ACER2: variants seen among roughly 807,000 people sequenced by gnomAD.
ACER2 encodes alkaline ceramidase 2, also known as alkCDase 2.
Under a neutral mutation model 34.7 loss-of-function variants are expected in ACER2, and 26 were observed. That is an observed-to-expected ratio of 0.75 (90% CI 0.55 to 1.04). The LOEUF (loss-of-function observed/expected upper bound fraction) is 1.04, where lower values mean the gene tolerates loss of function less well. Among genes scored for constraint, ACER2 ranks in the 50% least tolerant of loss-of-function variants. ACER2 has a pLI of 0.00. For synonymous variants in ACER2, 138 were observed against 132.1 expected, an observed-to-expected ratio of 1.04 and a Z score of -0.31; for missense variants, 352 against 340.8, an observed-to-expected ratio of 1.03 and a Z score of -0.26.
intron 3 of ACER2, among the ~76,000 whole-genome samples, chr9:19,426,346 TTCTCCCTCTCTTTC>T (rs1330551005): frequency 1.4e-5 from 2 of 141,116 alleles, no homozygotes; most frequent in African/African-American, 2.7e-5. Context: ...GTCTTTGTCT[TTCTCCCTCTCTTTC>T]TCTCTCTCTC....
chr9:19,421,361 A>G (rs1830402240), intron 1 of ACER2, among the ~76,000 whole-genome samples: 1 of 152,240 alleles, frequency 6.6e-6, no homozygotes, highest in African/African-American at 2.4e-5. Flanking sequence ...GTATGAATAG[A>G]CAAAATAAAT....
chr9:19,443,093 C>G lies in ACER2; in HGVS notation c.504-3188C>G, dbSNP rs796083302. Among the ~76,000 whole-genome samples, 340 of 152,262 alleles carry G rather than the reference C, an allele frequency of 2.2e-3. 3 individuals are homozygous for G. Among genetic ancestry groups the G allele is most frequent in the African/African-American group, 7.8e-3 (324 of 41,540 alleles). On this transcript the variant is annotated intron_variant, in intron 4 of 5. Coordinates refer to ENST00000340967, the MANE Select transcript of ACER2 (RefSeq NM_001010887.3). Reference sequence around the variant, plus strand: ...TCGCCCAGGCTGGAGTGCAGTGGCGCGATCTCGGCTCACTGCAAGCTCCGC... The same window carrying G: ...TCGCCCAGGCTGGAGTGCAGTGGCGGGATCTCGGCTCACTGCAAGCTCCGC...
intron 3 of ACER2, 80 bp downstream of exon 3, chr9:19,424,921 C>T: frequency 5.8e-6 from 9 of 1,546,488 alleles, no homozygotes; most frequent in Middle Eastern, 1.7e-4. Flanking sequence ...AGAAAAATAG[C>T]ACATGATTGA....
intron 1 of ACER2, among the ~76,000 whole-genome samples, chr9:19,422,930 G>C (rs1017107290): frequency 1.3e-5 from 2 of 151,708 alleles, no homozygotes; most frequent in Non-Finnish European, 2.9e-5. Context: ...TACTCGGGAG[G>C]CTGAGGCAGG....
In ACER2 at chr9:19,443,562, G is replaced by A. The variant is rs140464591; in HGVS notation, c.504-2719G>A. ...ATAATTTTATCCATTAATTCAGGAAGCATTTAACAGTGCCTGGCACAGTTG... is the reference window on the plus strand; with the variant it reads ...ATAATTTTATCCATTAATTCAGGAAACATTTAACAGTGCCTGGCACAGTTG... On this transcript the variant is annotated intron_variant, in intron 4 of 5. Coordinates refer to ENST00000340967, the MANE Select transcript of ACER2 (RefSeq NM_001010887.3). Among the ~76,000 whole-genome samples the A allele has an allele frequency of 3.9e-5, 6 of 152,360 alleles. No homozygotes were observed. The East Asian group carries it at 5.8e-4, about 15-fold the overall frequency.
intron 1 of ACER2, among the ~76,000 whole-genome samples, chr9:19,415,135 T>A (rs1474746468): frequency 1.3e-5 from 2 of 152,168 alleles, no homozygotes; most frequent in African/African-American, 4.8e-5. Flanking sequence ...GTAATTTCAG[T>A]ATTATTTGAA....
chr9:19,434,061 C>A (rs1405971277), intron 3 of ACER2, among the ~76,000 whole-genome samples: 1 of 142,856 alleles, frequency 7.0e-6, no homozygotes, highest in Non-Finnish European at 1.5e-5. Flanking sequence ...TCAGACGGGG[C>A]GGCCGGGCAG....
At chr9:19,411,168 CT>C (rs1053623877) in intron 1 of ACER2, among the ~76,000 whole-genome samples, 1 of 152,122 alleles carries the variant, frequency 6.6e-6, no homozygotes, top group Non-Finnish European at 1.5e-5. Context: ...GTGCTAAAGT[CT>C]TTTTCAGAAA....
At chr9:19,439,344 C>CTT (rs55690063) in intron 4 of ACER2, among the ~76,000 whole-genome samples, 44 of 138,712 alleles carry the variant, frequency 3.2e-4, no homozygotes, top group South Asian at 4.9e-4. Flanking sequence ...AAGGGGCTTG[C>CTT]TTTTTTTTTT....
At chr9:19,428,151 T>A (rs1830639484) in intron 3 of ACER2, among the ~76,000 whole-genome samples, 1 of 151,356 alleles carries the variant, frequency 6.6e-6, no homozygotes, top group East Asian at 1.9e-4. Flanking sequence ...TGCTGGAATA[T>A]TCTTTTTTGT....
chr9:19,429,672 T>C (rs1401433935), intron 3 of ACER2, among the ~76,000 whole-genome samples: 2 of 152,260 alleles, frequency 1.3e-5, no homozygotes, highest in Non-Finnish European at 2.9e-5. Context: ...CTATAGTTTT[T>C]ATGATTTTAT....
intron 4 of ACER2, among the ~76,000 whole-genome samples, chr9:19,442,117 A>G (rs2132521963): frequency 6.6e-6 from 1 of 152,354 alleles, no homozygotes; most frequent in Admixed American, 6.5e-5. Flanking sequence ...ATTTTGGGTC[A>G]TGACCTGACA....
At chr9:19,428,777 T>TTG (rs1830660949) in intron 3 of ACER2, among the ~76,000 whole-genome samples, 1 of 51,536 alleles carries the variant, frequency 1.9e-5, no homozygotes, top group Non-Finnish European at 3.4e-5. Flanking sequence ...GACAAGTGGG[T>TTG]TTTTTTTTTT....
intron 1 of ACER2, among the ~76,000 whole-genome samples, chr9:19,412,656 C>CA (rs59209941): frequency 0.081 from 7,420 of 91,468 alleles, 459 homozygotes; most frequent in African/African-American, 0.19. Flanking sequence ...GATTCTGTCT[C>CA]AAAAAAAAAA....
At chr9:19,432,565 G>T (rs1025544157) in intron 3 of ACER2, among the ~76,000 whole-genome samples, 4 of 138,976 alleles carry the variant, frequency 2.9e-5, no homozygotes, top group African/African-American at 1.1e-4. Context: ...TGTGTGTGTG[G>T]GTGTATGTGT....
At position 19,424,711 on chromosome 9, in the gene ACER2, G is replaced by T. The variant is rs770384271; in HGVS notation, c.235G>T (p.Val79Phe). 7 of 1,613,660 alleles carry T rather than the reference G, an allele frequency of 4.3e-6. No homozygotes were observed. Among genetic ancestry groups the T allele is most frequent in the Non-Finnish European group, 3.4e-6 (4 of 1,179,986 alleles). Reference protein sequence around the residue: ...TLLVVVGIGSVYFHATLSFLG... With the variant: ...TLLVVVGIGSFYFHATLSFLG... ...GTAATTGATTCTAGGAATTGGATCCGTCTACTTCCATGCAACCCTTAGTTT... is the reference window on the plus strand; with the variant it reads ...GTAATTGATTCTAGGAATTGGATCCTTCTACTTCCATGCAACCCTTAGTTT... Residue 79 changes from valine (V) to phenylalanine (F), a missense_variant, in exon 3 of 6, where the codon GTC becomes TTC. Physicochemically the swap from Val to Phe is conservative, Grantham distance 50. Transcript: ENST00000340967.
intron 3 of ACER2, among the ~76,000 whole-genome samples, chr9:19,427,994 C>CTTTCCTT (rs777942296): frequency 4.1e-5 from 4 of 96,798 alleles, no homozygotes; most frequent in Admixed American, 1.9e-4. Flanking sequence ...TTTTCCTTTC[C>CTTTCCTT]TTTCCTTTTT....
intron 3 of ACER2, among the ~76,000 whole-genome samples, chr9:19,425,144 G>A (rs566703977): frequency 5.3e-5 from 8 of 152,198 alleles, no homozygotes; most frequent in Non-Finnish European, 1.2e-4. Context: ...TGACATTACT[G>A]AATGCTTATT....
intron 3 of ACER2, among the ~76,000 whole-genome samples, chr9:19,425,540 G>T (rs756214957): frequency 6.6e-6 from 1 of 152,186 alleles, no homozygotes. Context: ...TTCCTCTAAT[G>T]AGCTTACACT....
Sources: allele counts gnomAD v4.1 joint callset (sites outside exome capture counted in the v4.1 genomes callset), GRCh38; gene constraint gnomAD v4.1.1; transcripts MANE v1.5; gene names NCBI Gene and HGNC (gene_info 2026-07-23, HGNC 2026-07-21).